Variants in BCAS3 observed in about 807,000 individuals in gnomAD.
The protein encoded by BCAS3 is BCAS4/BCAS3 fusion.
Under a neutral mutation model 116.1 loss-of-function variants are expected in BCAS3, and 53 were observed. That is an observed-to-expected ratio of 0.46 (90% confidence interval 0.37 to 0.57). BCAS3 has a LOEUF of 0.57. Among genes scored for constraint, BCAS3 ranks in the 20% least tolerant of loss-of-function variants. The pLI is 0.00. For synonymous variants in BCAS3, 391 were observed against 408.2 expected, an observed-to-expected ratio of 0.96 and a Z score of 0.51; for missense variants, 917 against 1,165.4, an observed-to-expected ratio of 0.79 and a Z score of 3.10.
chr17:61,002,652 A>G (rs2064327530), intron 15 of BCAS3: 1 of 152,192 alleles, frequency 6.6e-6, no homozygotes, highest in South Asian at 2.1e-4. Flanking sequence ...CTTTCTGAGT[A>G]CTACATGCAG....
In BCAS3 at chr17:61,198,145, CTTTT is replaced by C. The variant is rs1185530206; in HGVS notation, c.2425+113591_2425+113594del. On this transcript the variant is annotated intron_variant, in intron 22 of 23. Coordinates refer to ENST00000407086, the MANE Select transcript of BCAS3 (RefSeq NM_017679.5). The surrounding 1 kb of genome is among the most constrained non-coding windows in gnomAD (Gnocchi z 5.0). The stretch of plus-strand genomic sequence containing the variant: ...AGTGCAAGATATGTTTTTTTTTTTT[CTTTT>C]TTTTTTTTTGAGACGGAGTCTCACT... Among the ~76,000 whole-genome samples the C allele has an allele frequency of 8.4e-6, 1 of 118,460 alleles. No individual in the cohort carries two copies. The highest frequency in any genetic ancestry group is 8.5e-5 in the Admixed American group (1 of 11,766). 77.7% of individuals were successfully genotyped at this position (118,460 alleles called of 152,430 possible).
chr17:60,925,448 G>T (rs1336589004), intron 13 of BCAS3, among the ~76,000 whole-genome samples: 1 of 152,142 alleles, frequency 6.6e-6, no homozygotes, highest in Non-Finnish European at 1.5e-5. Flanking sequence ...TGACTATCAA[G>T]TATCTACATT....
At chr17:60,828,599 C>A (rs2050638289) in intron 7 of BCAS3, among the ~76,000 whole-genome samples, 1 of 152,176 alleles carries the variant, frequency 6.6e-6, no homozygotes, top group South Asian at 2.1e-4. Context: ...ACAACACAGT[C>A]TCAGTGAGAT....
rs72319489 is a variant in BCAS3, at chr17:60,786,547, G to GTATATATATATATATA, written c.404-21448_404-21433dup. On this transcript the variant is annotated intron_variant, in intron 6 of 23. Coordinates refer to ENST00000407086, the MANE Select transcript of BCAS3 (RefSeq NM_017679.5). ...AACATTCCCCACTGCCTGCAAATGT[G>GTATATATATATATATA]TATATATATATATATATATATATAA... Among the ~76,000 whole-genome samples the GTATATATATATATATA allele has an allele frequency of 2.3e-3, 327 of 140,690 alleles. 4 individuals are homozygous for GTATATATATATATATA. The highest frequency in any genetic ancestry group is 7.8e-3 in the African/African-American group (305 of 39,026). The allele number at this position is 140,690 out of a possible 152,430, so 92.3% of individuals were successfully genotyped here.
Position 61,017,173 on chromosome 17 carries a change from A to T in BCAS3, c.1637+1272A>T, listed in dbSNP as rs1411828557. 6.6e-6 allele frequency: 1 copy of T among 152,160 alleles called. No individual in the cohort carries two copies. Among genetic ancestry groups the T allele is most frequent in the Non-Finnish European group, 1.5e-5 (1 of 68,014 alleles). 9.4% of individuals were successfully genotyped at this position (152,160 alleles called of 1,614,324 possible). A position where few individuals can be genotyped will look rare whatever the true frequency, so the allele number is the denominator to read the frequency against. On this transcript the variant is annotated intron_variant, in intron 16 of 23. Coordinates refer to ENST00000407086, the MANE Select transcript of BCAS3 (RefSeq NM_017679.5). This position sits in a 1 kb window ranked among gnomAD's most constrained non-coding sequence, Gnocchi z 4.7. ...GATTTCAACTTTCTCTTCCTCTGTTAGTTTATTTTAAAATAATTTAAGAAT... is the reference window on the plus strand; with the variant it reads ...GATTTCAACTTTCTCTTCCTCTGTTTGTTTATTTTAAAATAATTTAAGAAT...
chr17:61,334,404 C>T (rs1396937521), intron 22 of BCAS3, among the ~76,000 whole-genome samples: 7 of 152,074 alleles, frequency 4.6e-5, no homozygotes, highest in Admixed American at 1.3e-4. Context: ...CGGTGGCTCA[C>T]GCCTGTAATC....
Position 61,097,807 on chromosome 17 carries a change from A to G in BCAS3, c.2425+13243A>G, listed in dbSNP as rs903104417. Reference sequence around the variant, plus strand: ...AGGACACCTAGCTCCTGATACTTAAAATTACTTAAAGTGCATTATGGTGAC... The same window carrying G: ...AGGACACCTAGCTCCTGATACTTAAGATTACTTAAAGTGCATTATGGTGAC... On this transcript the variant is annotated intron_variant, in intron 22 of 23. Transcript: ENST00000407086. The surrounding 1 kb of genome is among the most constrained non-coding windows in gnomAD (Gnocchi z 4.0). 5.3e-5 allele frequency among the ~76,000 whole-genome samples: 8 copies of G among 152,200 alleles called. No individual in the cohort carries two copies. The highest frequency in any genetic ancestry group is 1.2e-4 in the African/African-American group (5 of 41,442).
At chr17:60,768,091 C>G (rs1456981338) in intron 6 of BCAS3, among the ~76,000 whole-genome samples, 1 of 152,188 alleles carries the variant, frequency 6.6e-6, no homozygotes, top group Non-Finnish European at 1.5e-5. Flanking sequence ...GACACCGTGC[C>G]CATCATCTGT....
At position 61,227,250 on chromosome 17, in the gene BCAS3, T is replaced by C. The variant is rs1218777148; in HGVS notation, c.2426-141077T>C. ...CTGAGAAGCTAGTGCAATTTATGAG[T>C]CCTCTTCTGAAAAAAATGCAGATAC... On this transcript the variant is annotated intron_variant, in intron 22 of 23. Transcript: ENST00000407086. This position sits in a 1 kb window ranked among gnomAD's most constrained non-coding sequence, Gnocchi z 6.1. Among the ~76,000 whole-genome samples, 1 of 152,012 alleles carries C rather than the reference T, an allele frequency of 6.6e-6. No individual in the cohort carries two copies. Among genetic ancestry groups the C allele is most frequent in the Non-Finnish European group, 1.5e-5 (1 of 68,010 alleles).
chr17:61,292,183 G>A (rs2052482275), intron 22 of BCAS3, among the ~76,000 whole-genome samples: 1 of 152,108 alleles, frequency 6.6e-6, no homozygotes, highest in Admixed American at 6.5e-5. Context: ...CACGCCTTCA[G>A]GGGATAGATT....
intron 6 of BCAS3, among the ~76,000 whole-genome samples, chr17:60,755,424 G>A (rs7503657): frequency 0.73 from 110,388 of 152,106 alleles, 45,759 homozygotes; most frequent in South Asian, 0.98. Context: ...AGAAATTGAC[G>A]GTTGGTAAAT....
At chr17:60,887,660 A>C (rs1039542725) in intron 9 of BCAS3, among the ~76,000 whole-genome samples, 1 of 152,170 alleles carries the variant, frequency 6.6e-6, no homozygotes, top group Non-Finnish European at 1.5e-5. Flanking sequence ...CAGTGGACTT[A>C]TAAATGTAAA....
Position 61,228,281 on chromosome 17 carries a change from A to C in BCAS3, c.2426-140046A>C, listed in dbSNP as rs749377527. On this transcript the variant is annotated intron_variant, in intron 22 of 23. Transcript: ENST00000407086. The surrounding 1 kb of genome is among the most constrained non-coding windows in gnomAD (Gnocchi z 5.0). ...CAGCTGAGAAATTATGAAGGCGACT[A>C]TAGACACATCAAAATCTATTACCAG... 6.6e-6 allele frequency among the ~76,000 whole-genome samples: 1 copy of C among 152,198 alleles called. No homozygotes were observed. Among genetic ancestry groups the C allele is most frequent in the Admixed American group, 6.5e-5 (1 of 15,276 alleles).
At position 61,034,886 on chromosome 17, in the gene BCAS3, T is replaced by C. The variant is rs1252649647; in HGVS notation, c.1762+96T>C. 1.6e-6 allele frequency: 2 copies of C among 1,253,466 alleles called. No homozygotes were observed. Among genetic ancestry groups the C allele is most frequent in the Non-Finnish European group, 2.2e-6 (2 of 910,272 alleles). 77.6% of individuals were successfully genotyped at this position (1,253,466 alleles called of 1,614,324 possible). A position where few individuals can be genotyped will look rare whatever the true frequency, so the allele number is the denominator to read the frequency against. On this transcript the variant is annotated intron_variant, in intron 17 of 23. Transcript: ENST00000407086. This position sits in a 1 kb window ranked among gnomAD's most constrained non-coding sequence, Gnocchi z 5.0. ...TTCCCTAGAATAATCTTGTACCCAG[T>C]AGTCTGGAAACCAATTTTTTTAATG... is the stretch of plus-strand genomic sequence containing the variant.
At chr17:60,907,606 A>T (rs574233490) in intron 11 of BCAS3, among the ~76,000 whole-genome samples, 1 of 152,202 alleles carries the variant, frequency 6.6e-6, no homozygotes, top group Admixed American at 6.5e-5. Context: ...ATAGTCTGTC[A>T]TGTTCAGCTG....
rs1266488997 is a variant in BCAS3, at chr17:61,310,910, G to A, written c.2426-57417G>A. Among the ~76,000 whole-genome samples the A allele has an allele frequency of 2.0e-5, 3 of 152,176 alleles. No homozygotes were observed. In the East Asian group the frequency reaches 5.8e-4, roughly 29 times the overall value. On this transcript the variant is annotated intron_variant, in intron 22 of 23. Transcript: ENST00000407086. ...TGACATGAGTGGCTGTTGAGCTCAG[G>A]AGATAAGAATTTGGAGCTGGAGCAG...
intron 22 of BCAS3, among the ~76,000 whole-genome samples, chr17:61,288,519 C>T (rs1225384891): frequency 6.6e-6 from 1 of 152,160 alleles, no homozygotes; most frequent in African/African-American, 2.4e-5. Context: ...CCAGTGAGTC[C>T]TTGTTGGCAA....
chr17:61,298,709 A>T (rs1235883865), intron 22 of BCAS3, among the ~76,000 whole-genome samples: 1 of 152,018 alleles, frequency 6.6e-6, no homozygotes, highest in Non-Finnish European at 1.5e-5. Flanking sequence ...CTTTTCAGTC[A>T]TCCTTCTCAC....
At chr17:61,310,333 C>A (rs1273120830) in intron 22 of BCAS3, among the ~76,000 whole-genome samples, 1 of 152,172 alleles carries the variant, frequency 6.6e-6, no homozygotes, top group East Asian at 1.9e-4. Flanking sequence ...GCACGTGGAT[C>A]ACCTGAGGTC....
Sources: gnomAD v4.1 joint callset for allele counts (sites outside exome capture counted in the v4.1 genomes callset) on GRCh38, gnomAD v4.1.1 for gene constraint, Gnocchi (gnomAD v3.1) non-coding constraint, MANE v1.5 for transcripts, NCBI Gene and HGNC (gene_info 2026-07-23, HGNC 2026-07-21) for gene names.